Variants in MSI1 observed in about 807,000 individuals in gnomAD.
MSI1 encodes the protein RNA-binding protein Musashi homolog 1.
MSI1 carries 15 observed loss-of-function variants against 54.4 expected under a neutral mutation model. The observed-to-expected ratio is 0.28, with a 90% CI of 0.18 to 0.42. The LOEUF is 0.42. Ranked by LOEUF, MSI1 falls within the 20% of genes least tolerant of loss-of-function variation. MSI1 has a pLI of 1.00. For missense variants in MSI1, 304 were observed against 506.0 expected, an observed-to-expected ratio of 0.60 and a Z score of 3.83; for synonymous variants, 200 against 196.5, an observed-to-expected ratio of 1.02 and a Z score of -0.15.
At chr12:120,350,115 G>A (rs1018601122) in intron 11 of MSI1, among the ~76,000 whole-genome samples, 1 of 152,028 alleles carries the variant, frequency 6.6e-6, no homozygotes, top group African/African-American at 2.4e-5. Context: ...TTCACCTCTT[G>A]GGCTCAAACG....
intron 14 of MSI1, among the ~76,000 whole-genome samples, chr12:120,344,482 A>T (rs894672770): frequency 6.8e-6 from 1 of 147,170 alleles, no homozygotes; most frequent in Non-Finnish European, 1.5e-5. Context: ...GCAGAGGAAG[A>T]TCGTTTGAGC....
chr12:120,368,345 G>T lies in MSI1; in HGVS notation c.101-72C>A. ...TCCCCCCCCCCCGTCCTTTGCCCCC[G>T]GTGACCCCGGAGCGGCCCGGCCGCC... On this transcript the variant is annotated intron_variant, in intron 2 of 14. Transcript: ENST00000257552. This position sits in a 1 kb window ranked among gnomAD's most constrained non-coding sequence, Gnocchi z 6.6. 1 of 1,287,624 alleles carries T rather than the reference G, an allele frequency of 7.8e-7. No homozygotes were observed. The highest frequency in any genetic ancestry group is 1.0e-6 in the Non-Finnish European group (1 of 1,004,484). The allele number at this position is 1,287,624 out of a possible 1,614,324, so 79.8% of individuals were successfully genotyped here. A position where few individuals can be genotyped will look rare whatever the true frequency, so the allele number is the denominator to read the frequency against.
At chr12:120,353,173 G>A (rs1272650156) in intron 10 of MSI1, 126 bp downstream of exon 10, 9 of 908,638 alleles carry the variant, frequency 9.9e-6, no homozygotes, top group South Asian at 7.5e-5. Flanking sequence ...CCTCAGACAT[G>A]CCCTTCCTTC....
chr12:120,346,665 C>T (rs1242231923), intron 12 of MSI1, among the ~76,000 whole-genome samples: 1 of 152,206 alleles, frequency 6.6e-6, no homozygotes, highest in Non-Finnish European at 1.5e-5. Flanking sequence ...CCGTTCTCCA[C>T]TCCCCACTTC....
intron 4 of MSI1, among the ~76,000 whole-genome samples, chr12:120,366,924 T>G (rs1222719227): frequency 6.6e-6 from 1 of 152,210 alleles, no homozygotes; most frequent in African/African-American, 2.4e-5. Flanking sequence ...AACAGGCAGC[T>G]TGATGGCAGA....
In MSI1 at chr12:120,343,102, G is replaced by C. The variant is rs954906826; in HGVS notation, c.*25C>G. The C allele has an allele frequency of 6.6e-6, 1 of 152,292 alleles. No individual in the cohort carries two copies. The highest frequency in any genetic ancestry group is 2.4e-5 in the African/African-American group (1 of 41,410). 9.4% of individuals were successfully genotyped at this position (152,292 alleles called of 1,614,324 possible). On this transcript the variant is annotated 3_prime_UTR_variant, in exon 15 of 15. Coordinates refer to ENST00000257552, the MANE Select transcript of MSI1 (RefSeq NM_002442.4). The stretch of plus-strand genomic sequence containing the variant: ...TGGTCCTCAGTCAGCTGCAGGCTGG[G>C]GCGCTGGGAACACAGCCAGGAGGTT...
At position 120,354,205 on chromosome 12, in the gene MSI1, C is replaced by T. The variant is rs182537073; in HGVS notation, c.653-826G>A. Reference sequence around the variant, plus strand: ...CTTGCTGTATTGCCCAGGCTGGTCTCGAACTACTAGCCTCAAGTGATCCTC... The same window carrying T: ...CTTGCTGTATTGCCCAGGCTGGTCTTGAACTACTAGCCTCAAGTGATCCTC... On this transcript the variant is annotated intron_variant, in intron 9 of 14. Coordinates refer to ENST00000257552, the MANE Select transcript of MSI1 (RefSeq NM_002442.4). Among the ~76,000 whole-genome samples, 388 of 152,062 alleles carry T rather than the reference C, an allele frequency of 2.6e-3. 1 individual carries two copies. The highest frequency in any genetic ancestry group is 4.4e-3 in the Non-Finnish European group (300 of 67,982).
intron 10 of MSI1, 112 bp downstream of exon 10, chr12:120,353,187 G>T: frequency 9.7e-7 from 1 of 1,029,142 alleles, no homozygotes; most frequent in African/African-American, 1.6e-5. Context: ...TTCCTTCCAA[G>T]CCTCCAGCAA....
At chr12:120,356,275 T>C (rs1415915997) in intron 9 of MSI1, among the ~76,000 whole-genome samples, 2 of 152,044 alleles carry the variant, frequency 1.3e-5, no homozygotes, top group African/African-American at 4.8e-5. Context: ...AGCCTTCCTT[T>C]TGCCCCCTCC....
chr12:120,358,907 T>TGC, intron 7 of MSI1, 98 bp downstream of exon 7: 1 of 1,336,404 alleles, frequency 7.5e-7, no homozygotes, highest in Non-Finnish European at 1.0e-6. Context: ...TCCTGGGGGA[T>TGC]AGGATGTCAG....
intron 8 of MSI1, among the ~76,000 whole-genome samples, chr12:120,357,542 G>T (rs1446747996): frequency 6.6e-6 from 1 of 152,176 alleles, no homozygotes; most frequent in African/African-American, 2.4e-5. Context: ...CACTCACTCT[G>T]TTGCCCAGGC....
intron 14 of MSI1, among the ~76,000 whole-genome samples, 196 bp from the exon 15 acceptor site, chr12:120,343,301 C>A (rs1263706565): frequency 2.0e-5 from 3 of 152,128 alleles, no homozygotes; most frequent in Non-Finnish European, 2.9e-5. Flanking sequence ...CCTCCCTAGG[C>A]TCAAGTGATC....
chr12:120,342,902 G>A lies in MSI1; in HGVS notation c.*225C>T, dbSNP rs1292035497. 7.6e-6 allele frequency: 1 copy of A among 131,496 alleles called. No homozygotes were observed. Among genetic ancestry groups the A allele is most frequent in the East Asian group, 2.7e-4 (1 of 3,766 alleles). The allele number at this position is 131,496 out of a possible 1,614,324, so 8.1% of individuals were successfully genotyped here. On this transcript the variant is annotated 3_prime_UTR_variant, in exon 15 of 15. Coordinates refer to ENST00000257552, the MANE Select transcript of MSI1 (RefSeq NM_002442.4). ...CAGGGCCGGGAGAGGGGCGGGTGGG[G>A]ATGGGGGCAAGGGCGAAGAGGGGGA...
chr12:120,368,712 AGAGGGCGC>A lies in MSI1; in HGVS notation c.100+113_100+120del, dbSNP rs1362955162. On this transcript the variant is annotated intron_variant, in intron 2 of 14. Transcript: ENST00000257552. This position sits in a 1 kb window ranked among gnomAD's most constrained non-coding sequence, Gnocchi z 6.6. Reference sequence around the variant, plus strand: ...TCGGGGTCTCCGGGCGGGGCGCGAAAGAGGGCGCGAGGGCGCCCGGGGTCAGCAGGGCG... The same window carrying A: ...TCGGGGTCTCCGGGCGGGGCGCGAAAGAGGGCGCCCGGGGTCAGCAGGGCG... 1 of 918,286 alleles carries A rather than the reference AGAGGGCGC, an allele frequency of 1.1e-6. No individual in the cohort carries two copies. Among genetic ancestry groups the A allele is most frequent in the Non-Finnish European group, 1.4e-6 (1 of 709,592 alleles). The allele number at this position is 918,286 out of a possible 1,614,324, so 56.9% of individuals were successfully genotyped here.
intron 6 of MSI1, among the ~76,000 whole-genome samples, chr12:120,361,721 G>C (rs920080988): frequency 6.6e-6 from 1 of 150,992 alleles, no homozygotes; most frequent in Non-Finnish European, 1.5e-5. Context: ...CCCTCGATCC[G>C]GGCGGGGGGC....
chr12:120,340,072 G>T (rs958238361), downstream of MSI1, among the ~76,000 whole-genome samples: 1 of 147,838 alleles, frequency 6.8e-6, no homozygotes, highest in Non-Finnish European at 1.5e-5. Context: ...GTGAGCCAAC[G>T]TGCCCAGCCA....
intron 7 of MSI1, 110 bp downstream of exon 7, chr12:120,358,895 G>T: frequency 7.8e-7 from 1 of 1,278,100 alleles, no homozygotes; most frequent in Non-Finnish European, 1.1e-6. Context: ...AGAGGACGCA[G>T]ATCCTGGGGG....
At chr12:120,355,440 C>T (rs975179705) in intron 9 of MSI1, among the ~76,000 whole-genome samples, 2 of 151,074 alleles carry the variant, frequency 1.3e-5, no homozygotes, top group East Asian at 3.9e-4. Context: ...AATATTGTAT[C>T]AATTATAAAC....
rs1161245654 is a variant in MSI1 at position 120,347,602 on chromosome 12, C to A, written c.791-88G>T. ...CCCTACCTTTTAGGCAGAGCCTGTC[C>A]AGCCTGGCCCTACCTCAGAGGGTTC... On this transcript the variant is annotated intron_variant, in intron 11 of 14. Coordinates refer to ENST00000257552, the MANE Select transcript of MSI1 (RefSeq NM_002442.4). The A allele has an allele frequency of 2.6e-6, 4 of 1,519,552 alleles. No homozygotes were observed. In the African/African-American group the frequency reaches 5.5e-5, roughly 21 times the overall value. 94.1% of individuals were successfully genotyped at this position (1,519,552 alleles called of 1,614,324 possible). A position where few individuals can be genotyped will look rare whatever the true frequency, so the allele number is the denominator to read the frequency against.
Sources: gnomAD v4.1 joint callset for allele counts (sites outside exome capture counted in the v4.1 genomes callset) on GRCh38, gnomAD v4.1.1 for gene constraint, Gnocchi (gnomAD v3.1) non-coding constraint, MANE v1.5 for transcripts, NCBI Gene and HGNC (gene_info 2026-07-23, HGNC 2026-07-21) for gene names.